Variants in PPP1R13B observed in about 807,000 individuals in gnomAD.
PPP1R13B encodes the protein protein phosphatase 1 regulatory subunit 13B, also known as apoptosis-stimulating of p53 protein 1.
In PPP1R13B, 44 loss-of-function variants were observed where a neutral mutation model predicts 119.8. The observed-to-expected ratio is 0.37, with a 90% CI of 0.29 to 0.47. The LOEUF is 0.47. Ranked by LOEUF, PPP1R13B falls within the 20% of genes least tolerant of loss-of-function variation. PPP1R13B has a pLI of 0.99. For synonymous variants in PPP1R13B, 542 were observed against 561.5 expected (o/e 0.97, Z 0.49); for missense variants, 1,227 against 1,413.5 (o/e 0.87, Z 2.12).
chr14:103,740,576 A>C lies in PPP1R13B; in HGVS notation c.1840T>G (p.Leu614Val). The C allele has an allele frequency of 6.5e-7, 1 of 1,532,340 alleles. No individual in the cohort carries two copies. Among genetic ancestry groups the C allele is most frequent in the South Asian group, 1.2e-5 (1 of 80,500 alleles). The allele number at this position is 1,532,340 out of a possible 1,614,324, so 94.9% of individuals were successfully genotyped here. Residue 614 changes from leucine (L) to valine (V), a missense_variant, in exon 12 of 17, where the codon TTA becomes GTA. By Grantham distance (32) the Leu-to-Val change is conservative (BLOSUM62 1). Coordinates refer to ENST00000202556, the MANE Select transcript of PPP1R13B (RefSeq NM_015316.3). This position sits in a 1 kb window ranked among gnomAD's most constrained non-coding sequence, Gnocchi z 4.6. ...SVKAVYGKPVLPSGSTSPSPL... is the reference protein window; with the variant it reads ...SVKAVYGKPVVPSGSTSPSPL... ...GATGGAGAGGTTGAACCCGAAGGTA[A>C]AACGGGCTTACCATACACTGGGGAA...
intron 1 of PPP1R13B, among the ~76,000 whole-genome samples, chr14:103,807,257 G>A (rs1419399234): frequency 6.6e-6 from 1 of 152,134 alleles, no homozygotes; most frequent in East Asian, 1.9e-4. Flanking sequence ...TTAACCGAGA[G>A]TCTACCTAAA....
chr14:103,783,449 AC>A (rs1410265408), intron 3 of PPP1R13B, among the ~76,000 whole-genome samples: 1 of 151,920 alleles, frequency 6.6e-6, no homozygotes, highest in Non-Finnish European at 1.5e-5. Flanking sequence ...ATGGGGTTTT[AC>A]CACGTTGGCC....
At chr14:103,782,874 G>A (rs1350673070) in intron 3 of PPP1R13B, among the ~76,000 whole-genome samples, 2 of 151,948 alleles carry the variant, frequency 1.3e-5, no homozygotes, top group East Asian at 3.9e-4. Context: ...CGCGATCTCG[G>A]GCTCACTGTA....
At chr14:103,780,793 A>G (rs2085318992) in intron 3 of PPP1R13B, among the ~76,000 whole-genome samples, 1 of 150,828 alleles carries the variant, frequency 6.6e-6, no homozygotes, top group Non-Finnish European at 1.5e-5. Flanking sequence ...CTGGCAACAG[A>G]GTGAGACTCT....
intron 1 of PPP1R13B, among the ~76,000 whole-genome samples, chr14:103,810,374 T>C (rs935052253): frequency 1.8e-4 from 28 of 151,784 alleles, no homozygotes; most frequent in African/African-American, 6.3e-4. Context: ...GTGAGCCAAG[T>C]GACAGAGTGA....
At chr14:103,823,832 T>TA (rs142540930) in intron 1 of PPP1R13B, among the ~76,000 whole-genome samples, 11 of 148,124 alleles carry the variant, frequency 7.4e-5, no homozygotes, top group African/African-American at 9.9e-5. Flanking sequence ...ACATACACTT[T>TA]AAAAAAAAAA....
In PPP1R13B at chr14:103,792,906, T is replaced by C. The variant is rs187289846; in HGVS notation, c.157+4465A>G. Among the ~76,000 whole-genome samples the C allele has an allele frequency of 2.5e-3, 374 of 151,778 alleles. 2 individuals carry two copies. Among genetic ancestry groups the C allele is most frequent in the African/African-American group, 8.7e-3 (362 of 41,396 alleles). The stretch of plus-strand genomic sequence containing the variant: ...CAATATGGTGAAACCTCGTCTCTAC[T>C]AAAAAATGCAAAAAATTAGCCGGGC... On this transcript the variant is annotated intron_variant, in intron 2 of 16. Coordinates refer to ENST00000202556, the MANE Select transcript of PPP1R13B (RefSeq NM_015316.3).
intron 2 of PPP1R13B, among the ~76,000 whole-genome samples, chr14:103,795,928 G>C (rs1595785017): frequency 6.6e-6 from 1 of 152,054 alleles, no homozygotes; most frequent in Admixed American, 6.6e-5. Context: ...TACCCACAAG[G>C]GACTTGTATC....
At chr14:103,762,805 G>A in intron 4 of PPP1R13B, 1 of 826,046 alleles carries the variant, frequency 1.2e-6, no homozygotes, top group Non-Finnish European at 2.0e-6. Flanking sequence ...CTCCAGCCAT[G>A]CTGAATAAAA....
intron 4 of PPP1R13B, chr14:103,763,882 A>AT (rs1213617932): frequency 6.6e-6 from 1 of 152,270 alleles, no homozygotes; most frequent in Non-Finnish European, 1.5e-5. Flanking sequence ...GACGCTTCAT[A>AT]TAAGTGAAGT....
intron 3 of PPP1R13B, among the ~76,000 whole-genome samples, chr14:103,783,936 A>AG (rs1218639379): frequency 6.6e-6 from 1 of 152,222 alleles, no homozygotes; most frequent in Non-Finnish European, 1.5e-5. Context: ...CAAAAATAAA[A>AG]GATCTTCCAG....
chr14:103,809,853 G>C (rs1412679197), intron 1 of PPP1R13B, among the ~76,000 whole-genome samples: 1 of 151,300 alleles, frequency 6.6e-6, no homozygotes, highest in East Asian at 2.0e-4. Context: ...TTGAGACAGA[G>C]TCTCGCTCTG....
chr14:103,795,507 G>A (rs905818077), intron 2 of PPP1R13B, among the ~76,000 whole-genome samples: 16 of 152,274 alleles, frequency 1.1e-4, no homozygotes, highest in Middle Eastern at 3.4e-3. Flanking sequence ...GGCACCAACC[G>A]AGTGACTCGT....
At chr14:103,844,293 G>T (rs2086977031) in intron 1 of PPP1R13B, among the ~76,000 whole-genome samples, 1 of 151,610 alleles carries the variant, frequency 6.6e-6, no homozygotes, top group Non-Finnish European at 1.5e-5. Context: ...AAAGAAGGTG[G>T]AAAGTCACAG....
upstream of PPP1R13B, chr14:103,848,149 C>G (rs376765117): frequency 1.3e-6 from 1 of 786,096 alleles, no homozygotes. Context: ...ACCTGCTTCT[C>G]CCCCACCGGC....
intron 2 of PPP1R13B, among the ~76,000 whole-genome samples, chr14:103,788,618 G>A (rs1424424875): frequency 6.6e-6 from 1 of 151,564 alleles, no homozygotes; most frequent in Non-Finnish European, 1.5e-5. Context: ...TAGCCCAGGA[G>A]TTTGAGGCTA....
intron 1 of PPP1R13B, among the ~76,000 whole-genome samples, chr14:103,804,265 C>T (rs529374410): frequency 6.6e-6 from 1 of 152,244 alleles, no homozygotes; most frequent in East Asian, 1.9e-4. Context: ...CCCTTGCTTT[C>T]AGGAACATCT....
chr14:103,736,028 C>T lies in PPP1R13B; in HGVS notation c.3206G>A (p.Gly1069Asp). The T allele has an allele frequency of 6.2e-7, 1 of 1,614,192 alleles. No individual in the cohort carries two copies. Among genetic ancestry groups the T allele is most frequent in the Non-Finnish European group, 8.5e-7 (1 of 1,180,036 alleles). ...WWWARLGDRE[G>D]YVPKNLLGLY... ...CCCCAGCAGGTTTTTGGGCACATAG[C>T]CCTCCCGGTCTCCAAGGCGAGCCCA... Residue 1069 changes from glycine (G) to aspartate (D), a missense_variant, in exon 16 of 17, where the codon GGC becomes GAC. Transcript: ENST00000202556.
intron 2 of PPP1R13B, among the ~76,000 whole-genome samples, chr14:103,788,844 T>C (rs1200708410): frequency 6.6e-6 from 1 of 152,104 alleles, no homozygotes; most frequent in East Asian, 1.9e-4. Context: ...TGACAGACAA[T>C]GGCCAAGCAG....
Sources: gnomAD v4.1 joint callset for allele counts (sites outside exome capture counted in the v4.1 genomes callset) on GRCh38, gnomAD v4.1.1 for gene constraint, Gnocchi (gnomAD v3.1) non-coding constraint, MANE v1.5 for transcripts, NCBI Gene and HGNC (gene_info 2026-07-23, HGNC 2026-07-21) for gene names.